The following AKR1C3 variants were observed in gnomAD, a reference collection of about 807,000 sequenced individuals.
AKR1C3 encodes the protein aldo-keto reductase family 1 member C3, also known as 3-alpha hydroxysteroid dehydrogenase, type II.
A neutral mutation model predicts 43.6 loss-of-function variants in AKR1C3; 48 were observed. The ratio of observed to expected loss-of-function variants is 1.10; its 90% confidence interval spans 0.87 to 1.40. AKR1C3 has a LOEUF of 1.40. AKR1C3 is among the 40% of genes most tolerant of loss of function. The pLI is 0.00. For synonymous variants in AKR1C3, 162 were observed against 139.6 expected (o/e 1.16, Z -1.13); for missense variants, 482 against 391.2 (o/e 1.23, Z -1.96).
chr10:5,106,072 A>G (rs1413866242), intron 8 of AKR1C3, among the ~76,000 whole-genome samples: 1 of 152,190 alleles, frequency 6.6e-6, no homozygotes, highest in African/African-American at 2.4e-5. Flanking sequence ...CAAATCAAAA[A>G]CATTTCCATC....
rs1838741952 is a variant in AKR1C3, at chr10:5,077,675, G to A, written c.85-18735G>A. ...ATTCCCCTTAGTAAAATGGCAGGAT[G>A]GTTTGCTTGCCATTGAAACTAACCA... On this transcript the variant is annotated intron_variant, in intron 1 of 8. Coordinates refer to the AKR1C3 transcript ENST00000439082. The A allele has an allele frequency of 4.5e-6, 5 of 1,101,840 alleles. No homozygotes were observed. In the East Asian group the frequency reaches 2.6e-4, roughly 57 times the overall value. The allele number at this position is 1,101,840 out of a possible 1,614,324, so 68.3% of individuals were successfully genotyped here.
At chr10:5,073,977 C>T (rs74479698) in intron 1 of AKR1C3, among the ~76,000 whole-genome samples, 2,094 of 152,150 alleles carry the variant, frequency 0.014, 51 homozygotes, top group African/African-American at 0.048. Flanking sequence ...AACTTGCCCC[C>T]CATTCTATTC....
At chr10:5,049,374 G>C (rs531870434) in intron 1 of AKR1C3, among the ~76,000 whole-genome samples, 1 of 152,140 alleles carries the variant, frequency 6.6e-6, no homozygotes, top group Non-Finnish European at 1.5e-5. Context: ...GCGGCCTTGA[G>C]CACCACATGG....
In AKR1C3 at chr10:5,102,606, C is replaced by T. The variant is rs1839386183; in HGVS notation, c.802C>T (p.Leu268=). Residue 268 remains leucine, a synonymous_variant, in exon 7 of 9, where the codon CTG becomes TTG. Coordinates refer to ENST00000380554, the MANE Select transcript of AKR1C3 (RefSeq NM_003739.6). ...RYQLQRGVVV[L]AKSYNEQRIR... ...CCAGCTGCAGCGTGGGGTTGTGGTC[C>T]TGGCCAAGAGCTACAATGAGCAGCG... The T allele has an allele frequency of 1.3e-6, 2 of 1,525,110 alleles. No individual in the cohort carries two copies. Among genetic ancestry groups the T allele is most frequent in the Non-Finnish European group, 1.8e-6 (2 of 1,135,146 alleles). The allele number at this position is 1,525,110 out of a possible 1,614,324, so 94.5% of individuals were successfully genotyped here.
chr10:5,090,967 C>G (rs1222177988), upstream of AKR1C3, among the ~76,000 whole-genome samples: 1 of 151,952 alleles, frequency 6.6e-6, no homozygotes, highest in African/African-American at 2.4e-5. Context: ...TTGACCTTTA[C>G]AAAGTCAAGA....
At chr10:5,063,111 T>C (rs782008729) in intron 1 of AKR1C3, among the ~76,000 whole-genome samples, 1 of 152,182 alleles carries the variant, frequency 6.6e-6, no homozygotes, top group Non-Finnish European at 1.5e-5. Context: ...TATGAAAACA[T>C]GTATTTTTGA....
At chr10:5,072,037 C>T (rs1161382469) in intron 1 of AKR1C3, among the ~76,000 whole-genome samples, 3 of 152,200 alleles carry the variant, frequency 2.0e-5, no homozygotes, top group African/African-American at 4.8e-5. Context: ...TTGTCTTTGA[C>T]TTTAGCAATA....
chr10:5,098,365 A>C (rs1363690002), intron 3 of AKR1C3, among the ~76,000 whole-genome samples: 1 of 152,196 alleles, frequency 6.6e-6, no homozygotes, highest in Non-Finnish European at 1.5e-5. Flanking sequence ...TGGGTCTCCC[A>C]ACTTCTGCTG....
upstream of AKR1C3, among the ~76,000 whole-genome samples, chr10:5,091,828 TA>T (rs1248372082): frequency 1.3e-5 from 2 of 152,160 alleles, no homozygotes; most frequent in East Asian, 3.8e-4. Flanking sequence ...AAGTGTAGAA[TA>T]AAACCAAACT....
chr10:5,057,294 T>C (rs1838281571), intron 1 of AKR1C3, among the ~76,000 whole-genome samples: 1 of 152,226 alleles, frequency 6.6e-6, no homozygotes, highest in South Asian at 2.1e-4. Context: ...CCAAGGTTTG[T>C]TTGTCTGAGG....
Position 5,107,485 on chromosome 10 carries a change from A to C in AKR1C3, c.954A>C (p.Pro318=). ...GTTTTGCTAGCCACCCTAATTATCC[A>C]TATTCAGATGAATATTAACATGGAG... ...SDSFASHPNY[P]YSDEY The change falls in exon 9 of 9, where the codon CCA becomes CCC. Residue 318 remains proline (P), a synonymous_variant. Coordinates refer to ENST00000380554, the MANE Select transcript of AKR1C3 (RefSeq NM_003739.6). 6.3e-7 allele frequency: 1 copy of C among 1,586,788 alleles called. No individual in the cohort carries two copies. The highest frequency in any genetic ancestry group is 8.7e-7 in the Non-Finnish European group (1 of 1,155,630).
At chr10:5,103,572 G>T (rs1368111245) in intron 7 of AKR1C3, among the ~76,000 whole-genome samples, 1 of 152,142 alleles carries the variant, frequency 6.6e-6, no homozygotes, top group African/African-American at 2.4e-5. Context: ...AGATAGCTCT[G>T]CTTCAAGATG....
rs782559899 is a variant in AKR1C3, at chr10:5,102,100, G to A, written c.571-1G>A. 2.5e-6 allele frequency: 4 copies of A among 1,602,580 alleles called. No individual in the cohort carries two copies. The East Asian group carries it at 6.7e-5, about 27-fold the overall frequency. ...TGCTTCTCTCTTTTGGTCAACTGCA[G>A]GTAGAATGTCATCCGTATTTCAACC... On this transcript the variant is annotated splice_acceptor_variant, in intron 5 of 8. Transcript: ENST00000380554. LOFTEE classifies it high-confidence loss of function.
intron 1 of AKR1C3, among the ~76,000 whole-genome samples, chr10:5,054,751 T>C (rs1838223942): frequency 1.3e-5 from 2 of 152,174 alleles, no homozygotes; most frequent in South Asian, 4.1e-4. Flanking sequence ...TCCTTCTCTT[T>C]GTCTCCCTGT....
chr10:5,065,235 C>A (rs1354284725), intron 1 of AKR1C3, among the ~76,000 whole-genome samples: 1 of 152,102 alleles, frequency 6.6e-6, no homozygotes, highest in African/African-American at 2.4e-5. Context: ...ACTATTCAAC[C>A]GAGCAATCCC....
At chr10:5,076,862 GT>G (rs1480693307) in intron 1 of AKR1C3, among the ~76,000 whole-genome samples, 4 of 152,096 alleles carry the variant, frequency 2.6e-5, no homozygotes, top group Admixed American at 2.0e-4. Context: ...GCACATTCCT[GT>G]TTTAAACAGT....
At chr10:5,097,225 CAGT>C (rs1839227715) in intron 2 of AKR1C3, among the ~76,000 whole-genome samples, 1 of 152,030 alleles carries the variant, frequency 6.6e-6, no homozygotes, top group African/African-American at 2.4e-5. Flanking sequence ...TCCTATCATT[CAGT>C]AGATGTACAA....
chr10:5,061,169 G>A lies in AKR1C3; in HGVS notation c.84+12274G>A, dbSNP rs143866595. ...GGCCAAGGAGGCACCGAGAGTGAGC[G>A]AGGACTGCAAGGGCTGCCAGCACAC... On this transcript the variant is annotated intron_variant, in intron 1 of 8. Transcript: ENST00000439082. Among the ~76,000 whole-genome samples the A allele has an allele frequency of 1.3e-3, 194 of 152,326 alleles. 2 individuals carry two copies. In the East Asian group the frequency reaches 0.025, roughly 20 times the overall value.
intron 1 of AKR1C3, among the ~76,000 whole-genome samples, chr10:5,073,416 G>A (rs1172147243): frequency 1.3e-5 from 2 of 152,120 alleles, no homozygotes; most frequent in Non-Finnish European, 2.9e-5. Flanking sequence ...ATTGAGATTG[G>A]AGATCCCCAT....
Sources: allele counts gnomAD v4.1 joint callset (sites outside exome capture counted in the v4.1 genomes callset), GRCh38; gene constraint gnomAD v4.1.1; transcripts MANE v1.5; gene names NCBI Gene and HGNC (gene_info 2026-07-23, HGNC 2026-07-21).